RACGAP1: variants seen among roughly 807,000 people sequenced by gnomAD.
RACGAP1 encodes rac GTPase-activating protein 1.
RACGAP1 carries 30 observed loss-of-function variants against 78.1 expected under a neutral mutation model. The ratio of observed to expected loss-of-function variants is 0.38; its 90% CI spans 0.29 to 0.52. RACGAP1 has a LOEUF of 0.52. Ranked by LOEUF, RACGAP1 falls within the 20% of genes least tolerant of loss-of-function variation. The pLI is 0.82. For missense variants in RACGAP1, 587 were observed against 777.1 expected (o/e 0.76, Z 2.91); for synonymous variants, 231 against 264.8 (o/e 0.87, Z 1.24).
rs2137394868 is a variant in RACGAP1 at position 50,002,452 on chromosome 12, G to C, written c.496-152C>G. ...GGTTAGAGAAGGGAAGGTCTCAAGTGTTGTAGCTATAGAGCTATAGTAAGT... is the reference window on the plus strand; with the variant it reads ...GGTTAGAGAAGGGAAGGTCTCAAGTCTTGTAGCTATAGAGCTATAGTAAGT... On this transcript the variant is annotated intron_variant, in intron 5 of 16. Transcript: ENST00000312377. 6 of 563,278 alleles carry C rather than the reference G, an allele frequency of 1.1e-5. No homozygotes were observed. The East Asian group carries it at 1.7e-4, about 16-fold the overall frequency. 34.9% of individuals were successfully genotyped at this position (563,278 alleles called of 1,614,324 possible). A position where few individuals can be genotyped will look rare whatever the true frequency, so the allele number is the denominator to read the frequency against.
chr12:49,990,719 C>G lies in RACGAP1; in HGVS notation c.1788G>C (p.Gln596His). The G allele has an allele frequency of 6.2e-7, 1 of 1,613,976 alleles. No individual in the cohort carries two copies. The highest frequency in any genetic ancestry group is 1.6e-4 in the Middle Eastern group (1 of 6,062). The change falls in exon 16 of 17, where the codon CAG becomes CAC. Residue 596 changes from glutamine to histidine, a missense_variant. Coordinates refer to ENST00000312377, the MANE Select transcript of RACGAP1 (RefSeq NM_001319999.2). ...LKTPSSSSLS[Q>H]RVRSTLTKNT... The stretch of plus-strand genomic sequence containing the variant: ...TCTTGGTGAGGGTGGAACGGACTCT[C>G]TGTGACAGGGAACTAGATGAAGGAG...
At chr12:50,029,688 T>A (rs1950314160), upstream of RACGAP1, among the ~76,000 whole-genome samples, 1 of 151,740 alleles carries the variant, frequency 6.6e-6, no homozygotes, top group African/African-American at 2.4e-5. Flanking sequence ...GGTCAGGAGA[T>A]CATGACCATC....
rs1370171848 is a variant in RACGAP1, at chr12:49,989,552, CT to C, written c.*715del. 1 of 152,148 alleles carries C rather than the reference CT, an allele frequency of 6.6e-6. No individual in the cohort carries two copies. The highest frequency in any genetic ancestry group is 2.4e-5 in the African/African-American group (1 of 41,416). 9.4% of individuals were successfully genotyped at this position (152,148 alleles called of 1,614,324 possible). A position where few individuals can be genotyped will look rare whatever the true frequency, so the allele number is the denominator to read the frequency against. On this transcript the variant is annotated 3_prime_UTR_variant, in exon 17 of 17. Coordinates refer to ENST00000312377, the MANE Select transcript of RACGAP1 (RefSeq NM_001319999.2). ...AATTCAATTTTAAAAGAAAAACTGG[CT>C]TTGACCCCAAATGAACCCAAAGTTC... is the stretch of plus-strand genomic sequence containing the variant.
upstream of RACGAP1, among the ~76,000 whole-genome samples, chr12:50,027,035 G>A (rs1036509894): frequency 6.6e-6 from 1 of 152,070 alleles, no homozygotes; most frequent in Non-Finnish European, 1.5e-5. Context: ...TAATACTTCT[G>A]TACTTCACTT....
chr12:50,012,014 G>A (rs1344476378), intron 2 of RACGAP1, among the ~76,000 whole-genome samples: 1 of 150,310 alleles, frequency 6.7e-6, no homozygotes, highest in Non-Finnish European at 1.5e-5. Context: ...TATAGTCCCA[G>A]CTACTCTGGA....
At chr12:50,014,640 G>A (rs1371185808) in intron 2 of RACGAP1, among the ~76,000 whole-genome samples, 1 of 152,144 alleles carries the variant, frequency 6.6e-6, no homozygotes, top group Non-Finnish European at 1.5e-5. Flanking sequence ...TCAGCTTACT[G>A]CAACCTCTGC....
chr12:50,003,603 C>T (rs1948811829), intron 5 of RACGAP1, among the ~76,000 whole-genome samples: 1 of 152,162 alleles, frequency 6.6e-6, no homozygotes, highest in Non-Finnish European at 1.5e-5. Context: ...AGAAAAGATG[C>T]ACAAATCAAT....
upstream of RACGAP1, chr12:50,025,645 G>T: frequency 1.4e-6 from 1 of 731,988 alleles, no homozygotes; most frequent in Non-Finnish European, 1.7e-6. Flanking sequence ...TTTGACTAAT[G>T]TCAACGGTTT....
In RACGAP1 at chr12:49,991,989, G is replaced by A; in HGVS notation, c.1714+9C>T. Reference sequence around the variant, plus strand: ...TCAAGTCCCTGAAGAAGCACATCTTGGGCCTTACCTTTAATATCTGGTGTC... The same window carrying A: ...TCAAGTCCCTGAAGAAGCACATCTTAGGCCTTACCTTTAATATCTGGTGTC... On this transcript the variant is annotated intron_variant, in intron 15 of 16. Coordinates refer to ENST00000312377, the MANE Select transcript of RACGAP1 (RefSeq NM_001319999.2). 6.2e-7 allele frequency: 1 copy of A among 1,613,500 alleles called. No individual in the cohort carries two copies. The highest frequency in any genetic ancestry group is 8.5e-7 in the Non-Finnish European group (1 of 1,179,968).
intron 3 of RACGAP1, among the ~76,000 whole-genome samples, chr12:50,005,785 G>C (rs544932416): frequency 6.6e-6 from 1 of 152,306 alleles, no homozygotes; most frequent in Non-Finnish European, 1.5e-5. Context: ...GGAGCAAAAT[G>C]CATTAAAATG....
chr12:49,992,253 G>A lies in RACGAP1; in HGVS notation c.1570C>T (p.Gln524Ter). The stretch of plus-strand genomic sequence containing the variant: ...CACACGCACCTGCCTACCTTGGGTT[G>A]ACGCTTGATGTCCTGTAACATTGTC... ...PVTMLQDIKR[Q>*]PKVVERLLSL... Residue 524 changes from glutamine to a stop codon, truncating the protein, a stop_gained, in exon 14 of 17, where the codon CAA (glutamine) becomes TAA (stop). Coordinates refer to ENST00000312377, the MANE Select transcript of RACGAP1 (RefSeq NM_001319999.2). LOFTEE classifies it high-confidence loss of function. 6.2e-7 allele frequency: 1 copy of A among 1,614,148 alleles called. No individual in the cohort carries two copies. The highest frequency in any genetic ancestry group is 8.5e-7 in the Non-Finnish European group (1 of 1,180,004).
chr12:50,028,999 C>T (rs1161559116), upstream of RACGAP1, among the ~76,000 whole-genome samples: 3 of 151,876 alleles, frequency 2.0e-5, no homozygotes, highest in Admixed American at 1.3e-4. Context: ...GGGCAGATCA[C>T]GAGGTCAAGA....
chr12:49,997,969 T>A (rs1229437174), intron 9 of RACGAP1, among the ~76,000 whole-genome samples: 1 of 152,200 alleles, frequency 6.6e-6, no homozygotes, highest in East Asian at 1.9e-4. Flanking sequence ...CTCACAGTAA[T>A]CCCATAAAAT....
At position 50,005,276 on chromosome 12, in the gene RACGAP1, G is replaced by A. The variant is rs751246278; in HGVS notation, c.405C>T (p.Ser135=). The A allele has an allele frequency of 1.9e-6, 3 of 1,614,060 alleles. No individual in the cohort carries two copies. Among genetic ancestry groups the A allele is most frequent in the Admixed American group, 1.7e-5 (1 of 60,002 alleles). Residue 135 remains serine (S), a synonymous_variant, in exon 4 of 17, where the codon AGC becomes AGT. Coordinates refer to ENST00000312377, the MANE Select transcript of RACGAP1 (RefSeq NM_001319999.2). ...TCCACCTTTTGTTCCCAGCATTGCT[G>A]CTGGATGGTTGGCCTCTGTTGAGAA... ...LAFLNRGQPS[S]SNAGNKRLST...
chr12:49,992,233 G>C lies in RACGAP1; in HGVS notation c.1578+12C>G. The C allele has an allele frequency of 6.2e-7, 1 of 1,613,820 alleles. No homozygotes were observed. ...CACAAGTTCACATACACACACACAC[G>C]CACCTGCCTACCTTGGGTTGACGCT... On this transcript the variant is annotated intron_variant, in intron 14 of 16. Transcript: ENST00000312377.
chr12:49,991,479 A>ATATATATATATATATAT (rs1555169074), intron 15 of RACGAP1, among the ~76,000 whole-genome samples: 8 of 24,090 alleles, frequency 3.3e-4, no homozygotes, highest in Non-Finnish European at 6.7e-4. Context: ...ATATATATAT[A>ATATATATATATATATAT]TTTTTTTTTT....
chr12:50,018,416 T>C (rs1045482223), intron 1 of RACGAP1: 25 of 722,948 alleles, frequency 3.5e-5, no homozygotes, highest in Non-Finnish European at 4.7e-5. Flanking sequence ...TTCTCTAAAC[T>C]AAGAACAAAA....
At chr12:50,017,802 G>C (rs1438165012) in intron 1 of RACGAP1, among the ~76,000 whole-genome samples, 1 of 152,108 alleles carries the variant, frequency 6.6e-6, no homozygotes, top group African/African-American at 2.4e-5. Flanking sequence ...ATGTTTACAA[G>C]ATTGCACCAC....
intron 2 of RACGAP1, among the ~76,000 whole-genome samples, chr12:50,008,064 C>T (rs1949075390): frequency 6.9e-6 from 1 of 145,976 alleles, no homozygotes; most frequent in African/African-American, 2.6e-5. Flanking sequence ...TTAGGATACT[C>T]CTTTTATTAA....
Sources: allele counts gnomAD v4.1 joint callset (sites outside exome capture counted in the v4.1 genomes callset), GRCh38; gene constraint gnomAD v4.1.1; transcripts MANE v1.5; gene names NCBI Gene and HGNC (gene_info 2026-07-23, HGNC 2026-07-21).